Variants in TEC observed in about 807,000 individuals in gnomAD.
TEC encodes the protein tyrosine-protein kinase Tec.
Under a neutral mutation model 93.0 loss-of-function variants are expected in TEC, and 72 were observed. That is an observed-to-expected ratio of 0.77 (90% CI 0.64 to 0.94). The LOEUF (loss-of-function observed/expected upper bound fraction) is 0.94. Among genes scored for constraint, TEC ranks in the 40% least tolerant of loss-of-function variants. The pLI is 0.00. For synonymous variants in TEC, 249 were observed against 247.7 expected (o/e 1.01, Z -0.05); for missense variants, 630 against 757.9 (o/e 0.83, Z 1.98).
intron 1 of TEC, among the ~76,000 whole-genome samples, chr4:48,233,716 A>C (rs980827291): frequency 4.6e-5 from 7 of 152,116 alleles, no homozygotes; most frequent in African/African-American, 1.7e-4. Context: ...CAAAATAAGA[A>C]ATAGAGCCAA....
intron 2 of TEC, among the ~76,000 whole-genome samples, chr4:48,211,337 A>T (rs1722890942): frequency 6.6e-6 from 1 of 152,214 alleles, no homozygotes; most frequent in Non-Finnish European, 1.5e-5. Flanking sequence ...TTTCCTGCAG[A>T]TATTTTCATC....
At chr4:48,165,638 C>T (rs568556080) in intron 7 of TEC, among the ~76,000 whole-genome samples, 18 of 152,262 alleles carry the variant, frequency 1.2e-4, no homozygotes, top group African/African-American at 3.9e-4. Context: ...TAGCTCTACT[C>T]GCCAGTTCAC....
At chr4:48,184,794 C>CACACAT (rs936807318) in intron 2 of TEC, among the ~76,000 whole-genome samples, 3 of 151,762 alleles carry the variant, frequency 2.0e-5, no homozygotes, top group Non-Finnish European at 4.4e-5. Flanking sequence ...CACACACACA[C>CACACAT]ACACACACAC....
At chr4:48,170,163 A>G (rs539001882) in intron 5 of TEC, 85 bp downstream of exon 5, 1 of 1,188,400 alleles carries the variant, frequency 8.4e-7, no homozygotes, top group Non-Finnish European at 1.2e-6. Context: ...TGCTGTACTT[A>G]ATCAAAACCA....
In TEC at chr4:48,252,394, T is replaced by C. The variant is rs545856911; in HGVS notation, c.-46+17358A>G. Among the ~76,000 whole-genome samples, 235 of 152,340 alleles carry C rather than the reference T, an allele frequency of 1.5e-3. 5 individuals are homozygous for C. The highest frequency in any genetic ancestry group is 0.01 in the Middle Eastern group (3 of 294). On this transcript the variant is annotated intron_variant, in intron 1 of 17. Transcript: ENST00000381501. ...GAGTCTGTTGAGTCTGCTTAATTTT[T>C]TTTTTAATTTTCAAGCATTTCAAGT... is the stretch of plus-strand genomic sequence containing the variant.
intron 9 of TEC, among the ~76,000 whole-genome samples, chr4:48,151,357 T>A (rs1028261536): frequency 1.3e-5 from 2 of 152,270 alleles, no homozygotes; most frequent in South Asian, 4.1e-4. Flanking sequence ...GTATTTGTTA[T>A]AAGCTTTGAT....
At chr4:48,154,352 C>T (rs1720310019) in intron 9 of TEC, among the ~76,000 whole-genome samples, 1 of 152,212 alleles carries the variant, frequency 6.6e-6, no homozygotes, top group Admixed American at 6.5e-5. Context: ...AAAACTGCTG[C>T]TTCTGTGACC....
At chr4:48,228,023 T>A (rs1174189316) in intron 2 of TEC, among the ~76,000 whole-genome samples, 1 of 152,178 alleles carries the variant, frequency 6.6e-6, no homozygotes, top group East Asian at 1.9e-4. Context: ...ATTAAAAAAA[T>A]GAATGTTTAA....
At chr4:48,240,119 A>C (rs1723888084) in intron 1 of TEC, among the ~76,000 whole-genome samples, 1 of 152,276 alleles carries the variant, frequency 6.6e-6, no homozygotes, top group African/African-American at 2.4e-5. Flanking sequence ...GGTATGGAAG[A>C]GTATAGACAA....
rs554648249 is a variant in TEC, at chr4:48,170,237, T to A, written c.454+11A>T. The A allele has an allele frequency of 6.3e-7, 1 of 1,575,482 alleles. No individual in the cohort carries two copies. Among genetic ancestry groups the A allele is most frequent in the Non-Finnish European group, 8.7e-7 (1 of 1,152,392 alleles). ...AGCACAATATAATTATGGAATAAAA[T>A]GAATACTTACTGCTCTCAAAAAGAT... is the stretch of plus-strand genomic sequence containing the variant. On this transcript the variant is annotated intron_variant, in intron 5 of 17. Transcript: ENST00000381501.
intron 2 of TEC, among the ~76,000 whole-genome samples, chr4:48,211,591 T>C (rs903375195): frequency 1.3e-5 from 2 of 152,212 alleles, no homozygotes; most frequent in African/African-American, 2.4e-5. Flanking sequence ...ATTACAAATA[T>C]ATTGCAGTAA....
chr4:48,170,358 T>G lies in TEC; in HGVS notation c.344A>C (p.Asn115Thr). The change falls in exon 5 of 18, where the codon AAT becomes ACT. Residue 115 changes from asparagine to threonine, a missense_variant. Asn to Thr is a moderately conservative substitution (Grantham distance 65). Around this residue, in one of 3 missense-constraint regions of TEC, gnomAD observed 335 missense variants for 351.5 expected, o/e 0.95. Coordinates refer to ENST00000381501, the MANE Select transcript of TEC (RefSeq NM_003215.3). Reference sequence around the variant, plus strand: ...TTTAGGATGATATTTAATCATAATATTATTGTTGTTCTTTATTTCTGTAAT... The same window carrying G: ...TTTAGGATGATATTTAATCATAATAGTATTGTTGTTCTTTATTTCTGTAAT... ...KLKEEIKNNN[N>T]IMIKYHPKFW... 1 of 1,426,230 alleles carries G rather than the reference T, an allele frequency of 7.0e-7. No homozygotes were observed. The highest frequency in any genetic ancestry group is 2.3e-5 in the East Asian group (1 of 43,390). 88.3% of individuals were successfully genotyped at this position (1,426,230 alleles called of 1,614,324 possible).
chr4:48,150,863 C>T lies in TEC; in HGVS notation c.872G>A (p.Gly291Glu), dbSNP rs764277354. Reference sequence around the variant, plus strand: ...AAAAAAAAATGGCAGGATTACTCACCCTCCAAACTTGGTATAAAGGGAGAC... The same window carrying T: ...AAAAAAAAATGGCAGGATTACTCACTCTCCAAACTTGGTATAAAGGGAGAC... ...YTVSLYTKFG[G>E]EGSSGFRHYH... Residue 291 changes from glycine to glutamate, a missense_variant and splice_region_variant, in exon 10 of 18, where the codon GGA becomes GAA. Physicochemically the swap from Gly to Glu is moderately conservative, Grantham distance 98. Around this residue, in one of 3 missense-constraint regions of TEC, gnomAD observed 335 missense variants for 351.5 expected, o/e 0.95. Transcript: ENST00000381501. 3 of 1,519,656 alleles carry T rather than the reference C, an allele frequency of 2.0e-6. No individual in the cohort carries two copies. Among genetic ancestry groups the T allele is most frequent in the Admixed American group, 2.1e-5 (1 of 46,532 alleles). 94.1% of individuals were successfully genotyped at this position (1,519,656 alleles called of 1,614,324 possible). A position where few individuals can be genotyped will look rare whatever the true frequency, so the allele number is the denominator to read the frequency against.
At chr4:48,196,734 A>G (rs1039877069) in intron 2 of TEC, among the ~76,000 whole-genome samples, 1 of 152,246 alleles carries the variant, frequency 6.6e-6, no homozygotes, top group Non-Finnish European at 1.5e-5. Flanking sequence ...TCGGTTTTCT[A>G]AAATTACAGG....
intron 2 of TEC, among the ~76,000 whole-genome samples, chr4:48,204,642 G>A (rs1200544283): frequency 2.6e-5 from 4 of 152,170 alleles, no homozygotes; most frequent in Admixed American, 1.3e-4. Context: ...TGGGGTGAGC[G>A]GGATCATTTC....
chr4:48,262,478 T>C (rs149117106), intron 1 of TEC, among the ~76,000 whole-genome samples: 1 of 152,246 alleles, frequency 6.6e-6, no homozygotes, highest in Admixed American at 6.5e-5. Flanking sequence ...ATTACAGCCA[T>C]GAGCCACCAC....
intron 8 of TEC, among the ~76,000 whole-genome samples, chr4:48,163,373 A>G (rs1337502054): frequency 6.6e-6 from 1 of 152,212 alleles, no homozygotes; most frequent in Non-Finnish European, 1.5e-5. Context: ...TCCACTCTGG[A>G]AACTGTTCTG....
intron 5 of TEC, among the ~76,000 whole-genome samples, chr4:48,169,396 A>G (rs1046320805): frequency 3.3e-5 from 5 of 152,170 alleles, no homozygotes; most frequent in Non-Finnish European, 7.3e-5. Flanking sequence ...AATAAGGAAC[A>G]ATAACAGCCT....
intron 1 of TEC, among the ~76,000 whole-genome samples, chr4:48,261,953 TA>T: frequency 1.3e-5 from 2 of 150,016 alleles, no homozygotes. Context: ...AAAACTAAGA[TA>T]ATCATAACAC....
Sources: allele counts gnomAD v4.1 joint callset (sites outside exome capture counted in the v4.1 genomes callset), GRCh38; gene constraint gnomAD v4.1.1; regional missense constraint gnomAD v4.1.1; transcripts MANE v1.5; gene names NCBI Gene and HGNC (gene_info 2026-07-23, HGNC 2026-07-21).